The following MAPK10 variants were observed in gnomAD, a reference collection of about 807,000 sequenced individuals.
The protein encoded by MAPK10 is mitogen-activated protein kinase 10.
In MAPK10, 25 loss-of-function variants were observed where a neutral mutation model predicts 59.3. That is an observed-to-expected ratio of 0.42 (90% confidence interval 0.31 to 0.59). The LOEUF is 0.59. Among genes scored for constraint, MAPK10 ranks in the 20% least tolerant of loss-of-function variants. MAPK10 has a pLI of 0.15. For synonymous variants in MAPK10, 190 were observed against 200.5 expected (o/e 0.95, Z 0.44); for missense variants, 351 against 568.9 (o/e 0.62, Z 3.90).
chr4:86,057,698 G>A (rs2044876195), intron 11 of MAPK10, among the ~76,000 whole-genome samples: 1 of 149,770 alleles, frequency 6.7e-6, no homozygotes, highest in African/African-American at 2.5e-5. Flanking sequence ...TATAGAATAA[G>A]TGAATAAATA....
intron 1 of MAPK10, among the ~76,000 whole-genome samples, chr4:86,466,152 C>T (rs552520568): frequency 8.5e-5 from 13 of 152,064 alleles, no homozygotes; most frequent in Admixed American, 3.9e-4. Context: ...TGAGGCATAC[C>T]GCCCTCAAAA....
intron 1 of MAPK10, chr4:86,358,210 A>C (rs1406400504): frequency 1.0e-6 from 1 of 984,926 alleles, no homozygotes; most frequent in African/African-American, 1.7e-5. Flanking sequence ...ATGCTCACCT[A>C]AAGTAGAAAA....
chr4:86,098,444 C>A, intron 9 of MAPK10, 80 bp downstream of exon 9: 1 of 1,592,502 alleles, frequency 6.3e-7, no homozygotes, highest in Non-Finnish European at 8.6e-7. Flanking sequence ...TCTATCTTTA[C>A]TCTCCTGGTA....
chr4:86,405,684 G>A (rs529907819), intron 1 of MAPK10, among the ~76,000 whole-genome samples: 35 of 152,246 alleles, frequency 2.3e-4, no homozygotes, highest in African/African-American at 8.4e-4. Context: ...ATTTTTCACA[G>A]ACTCAATCAC....
At chr4:86,145,997 GAAGTA>G (rs1187953393) in intron 4 of MAPK10, among the ~76,000 whole-genome samples, 1 of 152,176 alleles carries the variant, frequency 6.6e-6, no homozygotes, top group African/African-American at 2.4e-5. Flanking sequence ...GAAAAACTAA[GAAGTA>G]AACCTTGAAG....
intron 1 of MAPK10, among the ~76,000 whole-genome samples, chr4:86,459,015 A>T (rs1214567232): frequency 1.3e-5 from 2 of 152,236 alleles, no homozygotes; most frequent in Admixed American, 6.5e-5. Flanking sequence ...TATACATCTG[A>T]CAAAGGACTA....
At chr4:86,138,768 A>T (rs1457800592) in intron 4 of MAPK10, among the ~76,000 whole-genome samples, 1 of 151,812 alleles carries the variant, frequency 6.6e-6, no homozygotes, top group Non-Finnish European at 1.5e-5. Flanking sequence ...AGATGACATG[A>T]CTGTATATCT....
chr4:86,075,321 T>G (rs1371517977), intron 9 of MAPK10, among the ~76,000 whole-genome samples: 7 of 152,068 alleles, frequency 4.6e-5, no homozygotes, highest in Non-Finnish European at 8.8e-5. Flanking sequence ...GTTTTTAACT[T>G]CTTTGCCTTT....
Position 86,101,179 on chromosome 4 carries a change from G to A in MAPK10, c.603C>T (p.Cys201=). The change falls in exon 8 of 14, where the codon TGC becomes TGT. Residue 201 remains cysteine (C), a synonymous_variant. Transcript: ENST00000641462. The part of the protein sequence containing the change: ...KPSNIVVKSD[C]TLKILDFGLA... ...GTCCAAAGTCCAGGATTTTCAATGT[G>A]CAATCAGACTTGACTACAATGTTAC... 6.2e-7 allele frequency: 1 copy of A among 1,613,874 alleles called. No homozygotes were observed. The highest frequency in any genetic ancestry group is 8.5e-7 in the Non-Finnish European group (1 of 1,179,880).
intron 1 of MAPK10, among the ~76,000 whole-genome samples, chr4:86,370,309 C>A (rs560606806): frequency 4.6e-5 from 7 of 152,036 alleles, no homozygotes; most frequent in African/African-American, 1.7e-4. Context: ...GGAAATTTCC[C>A]AGATAAAATT....
chr4:86,500,004 A>G (rs2904103), intron 1 of MAPK10, among the ~76,000 whole-genome samples: 7,363 of 152,296 alleles, frequency 0.048, 238 homozygotes, highest in African/African-American at 0.061. Context: ...CTTTAGAGCT[A>G]CCATATAAGC....
At chr4:86,209,076 A>G (rs902752014) in intron 2 of MAPK10, among the ~76,000 whole-genome samples, 3 of 152,114 alleles carry the variant, frequency 2.0e-5, no homozygotes, top group African/African-American at 7.2e-5. Flanking sequence ...ACTTGTATGT[A>G]TCTACACTGA....
chr4:86,295,389 G>A (rs1363574779), intron 2 of MAPK10, among the ~76,000 whole-genome samples: 1 of 151,830 alleles, frequency 6.6e-6, no homozygotes, highest in Non-Finnish European at 1.5e-5. Context: ...CTCCTTCCCA[G>A]CTTTATTTTC....
At chr4:86,222,107 G>A (rs1202493318) in intron 2 of MAPK10, among the ~76,000 whole-genome samples, 1 of 152,124 alleles carries the variant, frequency 6.6e-6, no homozygotes, top group African/African-American at 2.4e-5. Context: ...GAAGTTTCCT[G>A]AGGCCTCCCC....
At chr4:86,324,673 G>A (rs758281760) in intron 2 of MAPK10, among the ~76,000 whole-genome samples, 1 of 152,068 alleles carries the variant, frequency 6.6e-6, no homozygotes, top group East Asian at 1.9e-4. Flanking sequence ...CTATAAACCT[G>A]AGAAACTCAC....
intron 1 of MAPK10, among the ~76,000 whole-genome samples, chr4:86,402,186 CA>C (rs1743817991): frequency 6.6e-6 from 1 of 150,688 alleles, no homozygotes; most frequent in Non-Finnish European, 1.5e-5. Context: ...TTTTTCACTT[CA>C]CTGGGAAAAT....
At position 86,530,315 on chromosome 4, in the gene MAPK10, C is replaced by G. The variant is rs528111905; in HGVS notation, c.-263+63595G>C. ...CCTATCTGATTCATTTTTGTAGTTC[C>G]AACACTTAGAATAGTGCCTAGCTCA... On this transcript the variant is annotated intron_variant, in intron 1 of 4. Coordinates refer to the MAPK10 transcript ENST00000502302. Among the ~76,000 whole-genome samples, 21 of 152,162 alleles carry G rather than the reference C, an allele frequency of 1.4e-4. No homozygotes were observed. The South Asian group carries it at 4.4e-3, about 32-fold the overall frequency.
intron 1 of MAPK10, among the ~76,000 whole-genome samples, chr4:86,534,521 G>A (rs1676709834): frequency 6.6e-6 from 1 of 152,004 alleles, no homozygotes; most frequent in Non-Finnish European, 1.5e-5. Flanking sequence ...ATGCACAATG[G>A]TATTGTGAGA....
chr4:86,469,857 T>C (rs1661403761), intron 1 of MAPK10, among the ~76,000 whole-genome samples: 1 of 152,156 alleles, frequency 6.6e-6, no homozygotes, highest in South Asian at 2.1e-4. Context: ...TAAAGACAAT[T>C]GTAAAATATG....
Sources: allele counts gnomAD v4.1 joint callset (sites outside exome capture counted in the v4.1 genomes callset), GRCh38; gene constraint gnomAD v4.1.1; transcripts MANE v1.5; gene names NCBI Gene and HGNC (gene_info 2026-07-23, HGNC 2026-07-21).